The following NRG3 variants were observed in gnomAD, a reference collection of about 807,000 sequenced individuals.
NRG3 encodes the protein pro-neuregulin-3, membrane-bound isoform.
Under a neutral mutation model 66.9 loss-of-function variants are expected in NRG3, and 31 were observed. The observed-to-expected ratio is 0.46, with a 90% CI of 0.35 to 0.63. The LOEUF is 0.63. Ranked by LOEUF, NRG3 falls within the 20% of genes least tolerant of loss-of-function variation. The pLI, the probability that NRG3 is intolerant of heterozygous loss-of-function variation, is 0.00. For synonymous variants in NRG3, 393 were observed against 359.4 expected (o/e 1.09, Z -1.06); for missense variants, 910 against 878.9 (o/e 1.04, Z -0.45).
chr10:81,900,305 C>T (rs759465920), intron 1 of NRG3, among the ~76,000 whole-genome samples: 1 of 78,358 alleles, frequency 1.3e-5, no homozygotes, highest in Non-Finnish European at 2.0e-5. Context: ...TGAGCCAATG[C>T]GCCTGGCCGG....
chr10:82,130,605 G>A (rs1477286081), intron 1 of NRG3, among the ~76,000 whole-genome samples: 3 of 152,056 alleles, frequency 2.0e-5, no homozygotes, highest in Non-Finnish European at 4.4e-5. Context: ...TTAGTTTCTT[G>A]AGGAACCTCT....
At chr10:81,983,359 C>T (rs1447014780) in intron 1 of NRG3, among the ~76,000 whole-genome samples, 1 of 152,190 alleles carries the variant, frequency 6.6e-6, no homozygotes, top group Admixed American at 6.5e-5. Flanking sequence ...GTTCACAGCA[C>T]ACCCCTCTTT....
At chr10:82,654,750 A>T (rs867265461) in intron 2 of NRG3, among the ~76,000 whole-genome samples, 1 of 152,196 alleles carries the variant, frequency 6.6e-6, no homozygotes, top group Non-Finnish European at 1.5e-5. Flanking sequence ...CAGCTAGGGA[A>T]ATTTATACAG....
chr10:82,453,627 A>G (rs1312653164), intron 2 of NRG3, among the ~76,000 whole-genome samples: 6 of 152,076 alleles, frequency 3.9e-5, no homozygotes, highest in Non-Finnish European at 5.9e-5. Flanking sequence ...TGTCTATACT[A>G]TGAGAATAGA....
In NRG3 at chr10:82,601,866, A is replaced by G. The variant is rs191083510; in HGVS notation, c.954-136711A>G. Among the ~76,000 whole-genome samples, 4 of 147,058 alleles carry G rather than the reference A, an allele frequency of 2.7e-5. No homozygotes were observed. The Admixed American group carries it at 2.7e-4, about 10-fold the overall frequency. On this transcript the variant is annotated intron_variant, in intron 2 of 8. Coordinates refer to ENST00000372141, the MANE Select transcript of NRG3 (RefSeq NM_001010848.4). ...TCTCTGCTAAAAAAAAAAATTATTT[A>G]TATATATATAACTATATATACAAAT...
chr10:82,004,022 CACACACACACACA>C (rs1162418525), intron 1 of NRG3, among the ~76,000 whole-genome samples: 1 of 149,956 alleles, frequency 6.7e-6, no homozygotes, highest in African/African-American at 2.5e-5. Flanking sequence ...CACACACACA[CACACACACACACA>C]GATACCTTAG....
At chr10:82,883,038 C>T (rs1411565540) in intron 4 of NRG3, among the ~76,000 whole-genome samples, 1 of 152,100 alleles carries the variant, frequency 6.6e-6, no homozygotes, top group Non-Finnish European at 1.5e-5. Flanking sequence ...AACAAGCATA[C>T]CCTTTCTCTA....
intron 1 of NRG3, among the ~76,000 whole-genome samples, chr10:81,976,937 G>T (rs949751413): frequency 9.9e-5 from 15 of 152,196 alleles, no homozygotes; most frequent in Admixed American, 9.2e-4. Context: ...CATATCTCAA[G>T]GTATTTTTCC....
At chr10:82,869,947 T>C (rs1404583817) in intron 4 of NRG3, among the ~76,000 whole-genome samples, 1 of 150,886 alleles carries the variant, frequency 6.6e-6, no homozygotes, top group Non-Finnish European at 1.5e-5. Flanking sequence ...TTAACTTTTC[T>C]AGACTGTCAT....
intron 3 of NRG3, among the ~76,000 whole-genome samples, chr10:82,834,562 A>G (rs1023017225): frequency 1.3e-5 from 2 of 152,192 alleles, no homozygotes; most frequent in African/African-American, 4.8e-5. Context: ...ACTTAATAAA[A>G]AGGAAAAGTT....
At chr10:82,617,032 A>G (rs1384999476) in intron 2 of NRG3, among the ~76,000 whole-genome samples, 3 of 152,312 alleles carry the variant, frequency 2.0e-5, no homozygotes, top group African/African-American at 7.2e-5. Context: ...GGGGGATTGG[A>G]TAGTCCTTGT....
Position 82,358,878 on chromosome 10 carries a change from T to C in NRG3, c.953+10T>C, listed in dbSNP as rs1370072156. ...CCCATAAACACTGTCGGTAAGCCAC[T>C]GAGGCCACTGATGGAAAGGGCAGGC... is the stretch of plus-strand genomic sequence containing the variant. On this transcript the variant is annotated intron_variant, in intron 2 of 8. Transcript: ENST00000372141. 4 of 1,614,096 alleles carry C rather than the reference T, an allele frequency of 2.5e-6. No individual in the cohort carries two copies. The highest frequency in any genetic ancestry group is 1.1e-5 in the South Asian group (1 of 91,082).
chr10:82,025,431 T>G (rs985619992), intron 1 of NRG3, among the ~76,000 whole-genome samples: 1 of 151,196 alleles, frequency 6.6e-6, no homozygotes, highest in African/African-American at 2.5e-5. Context: ...TTTATAATAT[T>G]TTTTCTTATA....
At chr10:82,257,207 T>C in intron 1 of NRG3, among the ~76,000 whole-genome samples, 1 of 151,968 alleles carries the variant, frequency 6.6e-6, no homozygotes, top group East Asian at 1.9e-4. Flanking sequence ...CCAAAAACAA[T>C]TGCGTACCTC....
At chr10:82,196,429 A>G (rs2074452381) in intron 1 of NRG3, among the ~76,000 whole-genome samples, 1 of 152,174 alleles carries the variant, frequency 6.6e-6, no homozygotes, top group South Asian at 2.1e-4. Flanking sequence ...AGCACTAGAA[A>G]GTACACTGGC....
intron 1 of NRG3, among the ~76,000 whole-genome samples, chr10:82,058,534 A>G (rs1332633676): frequency 6.6e-6 from 1 of 150,968 alleles, no homozygotes; most frequent in Admixed American, 6.6e-5. Flanking sequence ...TATGCCTTCA[A>G]CTTTCTATTA....
chr10:81,910,536 C>T (rs936078596), intron 1 of NRG3, among the ~76,000 whole-genome samples: 10 of 151,400 alleles, frequency 6.6e-5, no homozygotes, highest in African/African-American at 2.5e-4. Flanking sequence ...TTAGTGATAA[C>T]AATTCTTAGA....
intron 1 of NRG3, among the ~76,000 whole-genome samples, chr10:82,054,218 A>G (rs1174310463): frequency 6.6e-6 from 1 of 152,208 alleles, no homozygotes; most frequent in South Asian, 2.1e-4. Context: ...ACTGTGGTGC[A>G]GTAAGGCAGA....
intron 1 of NRG3, among the ~76,000 whole-genome samples, chr10:81,937,680 T>C (rs940318104): frequency 6.6e-6 from 1 of 152,120 alleles, no homozygotes; most frequent in African/African-American, 2.4e-5. Flanking sequence ...TTTGCAAATA[T>C]CTTCTCTCAT....
Sources: gnomAD v4.1 joint callset for allele counts (sites outside exome capture counted in the v4.1 genomes callset) on GRCh38, gnomAD v4.1.1 for gene constraint, MANE v1.5 for transcripts, NCBI Gene and HGNC (gene_info 2026-07-23, HGNC 2026-07-21) for gene names.